The following TEX36 variants were observed in gnomAD, a reference collection of about 807,000 sequenced individuals.
TEX36 encodes the protein testis-expressed protein 36.
A neutral mutation model predicts 13.6 loss-of-function variants in TEX36; 12 were observed. The ratio of observed to expected loss-of-function variants is 0.88; its 90% CI spans 0.56 to 1.43. The LOEUF (loss-of-function observed/expected upper bound fraction) is 1.43. Ranked by LOEUF, TEX36 falls within the 40% of genes most tolerant of loss-of-function variation. The pLI is 0.00. For missense variants in TEX36, 224 were observed against 228.3 expected (o/e 0.98, Z 0.12); for synonymous variants, 93 against 83.0 (o/e 1.12, Z -0.65).
intron 3 of TEX36, among the ~76,000 whole-genome samples, chr10:125,656,635 G>C (rs1405101011): frequency 6.6e-6 from 1 of 152,020 alleles, no homozygotes; most frequent in Non-Finnish European, 1.5e-5. Context: ...TATGACGACT[G>C]TCTCAAGGTC....
chr10:125,631,323 G>A, intron 3 of TEX36, among the ~76,000 whole-genome samples: 1 of 152,180 alleles, frequency 6.6e-6, no homozygotes, highest in East Asian at 1.9e-4. Flanking sequence ...AGGAACACCA[G>A]CTGCTGACAT....
intron 3 of TEX36, among the ~76,000 whole-genome samples, chr10:125,595,510 T>C (rs1355576348): frequency 2.0e-5 from 3 of 152,196 alleles, no homozygotes; most frequent in African/African-American, 7.2e-5. Flanking sequence ...ATAAGTCAGA[T>C]ACATCACCGA....
chr10:125,605,975 G>T (rs1280110666), intron 3 of TEX36, among the ~76,000 whole-genome samples: 1 of 152,154 alleles, frequency 6.6e-6, no homozygotes, highest in East Asian at 1.9e-4. Context: ...AACCAACTTT[G>T]TGGACTAAAA....
At chr10:125,666,762 G>A (rs1171607476) in intron 1 of TEX36, 13 of 225,796 alleles carry the variant, frequency 5.8e-5, no homozygotes, top group East Asian at 4.8e-4. Flanking sequence ...CCACTGTCAC[G>A]AGGGAGGCAA....
chr10:125,633,972 C>A (rs1364535130), intron 3 of TEX36, among the ~76,000 whole-genome samples: 3 of 152,024 alleles, frequency 2.0e-5, no homozygotes, highest in African/African-American at 7.2e-5. Context: ...CTCTAGGGTT[C>A]AAGTCTACCC....
At chr10:125,632,873 C>T (rs1015326662) in intron 3 of TEX36, among the ~76,000 whole-genome samples, 2 of 152,122 alleles carry the variant, frequency 1.3e-5, no homozygotes, top group Non-Finnish European at 2.9e-5. Context: ...CCTGTAATCC[C>T]AGCATTTTGG....
chr10:125,644,024 A>G (rs1275911544), intron 3 of TEX36, among the ~76,000 whole-genome samples: 5 of 152,244 alleles, frequency 3.3e-5, no homozygotes, highest in Non-Finnish European at 7.3e-5. Context: ...AGACACAACA[A>G]TACCCAAGGA....
chr10:125,591,338 T>G (rs962889545), intron 3 of TEX36, among the ~76,000 whole-genome samples: 1 of 152,212 alleles, frequency 6.6e-6, no homozygotes, highest in African/African-American at 2.4e-5. Flanking sequence ...GGTGAAAGTT[T>G]AAATTCAATG....
chr10:125,636,753 C>T (rs1043530316), intron 3 of TEX36, among the ~76,000 whole-genome samples: 4 of 152,126 alleles, frequency 2.6e-5, no homozygotes, highest in African/African-American at 4.8e-5. Flanking sequence ...AGTTCCCTGC[C>T]GCTGTACTTG....
chr10:125,607,063 A>C (rs1380825342), intron 3 of TEX36, among the ~76,000 whole-genome samples: 1 of 152,224 alleles, frequency 6.6e-6, no homozygotes. Flanking sequence ...AGAAAGCTGG[A>C]AAATAGTCTT....
chr10:125,645,043 CA>C (rs2133579331), intron 3 of TEX36, among the ~76,000 whole-genome samples: 1 of 152,280 alleles, frequency 6.6e-6, no homozygotes, highest in Non-Finnish European at 1.5e-5. Context: ...GTGCCACAAC[CA>C]CACAAACATG....
chr10:125,676,557 T>A lies in TEX36; in HGVS notation c.51+6382A>T, dbSNP rs574929987. Among the ~76,000 whole-genome samples, 46 of 152,274 alleles carry A rather than the reference T, an allele frequency of 3.0e-4. No individual in the cohort carries two copies. The East Asian group carries it at 4.0e-3, about 13-fold the overall frequency. ...GCATATAGTTGGATCTTTTTTTTTTTAAATTCCATTCAGCCAGCCATTCTG... is the reference window on the plus strand; with the variant it reads ...GCATATAGTTGGATCTTTTTTTTTTAAAATTCCATTCAGCCAGCCATTCTG... On this transcript the variant is annotated intron_variant, in intron 1 of 3. Transcript: ENST00000368821.
chr10:125,605,086 C>A (rs946030416), intron 3 of TEX36, among the ~76,000 whole-genome samples: 3 of 152,144 alleles, frequency 2.0e-5, no homozygotes, highest in Non-Finnish European at 2.9e-5. Flanking sequence ...TCCCTGGTGC[C>A]CAAAAGGTTG....
intron 3 of TEX36, among the ~76,000 whole-genome samples, chr10:125,592,883 G>A (rs960937641): frequency 2.0e-5 from 3 of 152,208 alleles, no homozygotes; most frequent in Admixed American, 6.5e-5. Flanking sequence ...CTAGATGGAA[G>A]AGATGCCTAG....
chr10:125,667,144 G>A, intron 1 of TEX36: 1 of 703,476 alleles, frequency 1.4e-6, no homozygotes, highest in East Asian at 3.1e-5. Flanking sequence ...AGACAGGAAT[G>A]TGATCCCAGG....
intron 3 of TEX36, among the ~76,000 whole-genome samples, chr10:125,648,377 T>C (rs1031933721): frequency 6.6e-6 from 1 of 152,188 alleles, no homozygotes; most frequent in Non-Finnish European, 1.5e-5. Context: ...CCGCTGGTGA[T>C]ACCCAGGCAA....
intron 3 of TEX36, among the ~76,000 whole-genome samples, chr10:125,600,637 C>T (rs538391023): frequency 6.6e-6 from 1 of 152,150 alleles, no homozygotes; most frequent in South Asian, 2.1e-4. Context: ...TTGCTGAGGA[C>T]CCCCAGTGAT....
chr10:125,646,632 C>A (rs1846773155), intron 3 of TEX36, among the ~76,000 whole-genome samples: 2 of 152,018 alleles, frequency 1.3e-5, no homozygotes, highest in African/African-American at 4.8e-5. Context: ...GTAAACAGAG[C>A]AAAGGCATGT....
chr10:125,648,674 G>C (rs565800389), intron 3 of TEX36, among the ~76,000 whole-genome samples: 18 of 152,364 alleles, frequency 1.2e-4, no homozygotes, highest in East Asian at 1.9e-4. Flanking sequence ...GTTGAGAGAA[G>C]AAGGCTTCAG....
Sources: gnomAD v4.1 joint callset for allele counts (sites outside exome capture counted in the v4.1 genomes callset) on GRCh38, gnomAD v4.1.1 for gene constraint, MANE v1.5 for transcripts, NCBI Gene and HGNC (gene_info 2026-07-23, HGNC 2026-07-21) for gene names.